The following CHCHD2 variants were observed in gnomAD, a reference collection of about 807,000 sequenced individuals.
The protein encoded by CHCHD2 is coiled-coil-helix-coiled-coil-helix domain-containing protein 2.
In CHCHD2, 17 loss-of-function variants were observed where a neutral mutation model predicts 17.5. That is an observed-to-expected ratio of 0.97 (90% CI 0.67 to 1.46). The LOEUF (loss-of-function observed/expected upper bound fraction) is 1.46, where lower values mean the gene tolerates loss of function less well. Ranked by LOEUF, CHCHD2 falls within the 40% of genes most tolerant of loss-of-function variation. The pLI is 0.00. For synonymous variants in CHCHD2, 63 were observed against 74.3 expected (o/e 0.85, Z 0.78); for missense variants, 175 against 199.9 (o/e 0.88, Z 0.75).
intron 1 of CHCHD2, 136 bp from the exon 2 acceptor site, chr7:56,104,611 A>ATTTT: frequency 2.4e-6 from 2 of 846,968 alleles, no homozygotes; most frequent in Non-Finnish European, 3.3e-6. Context: ...TCTCTCTTCA[A>ATTTT]TTTTTTTTTT....
intron 2 of CHCHD2, among the ~76,000 whole-genome samples, chr7:56,103,413 G>A (rs1042058338): frequency 7.9e-5 from 12 of 152,130 alleles, no homozygotes; most frequent in African/African-American, 2.9e-4. Context: ...CCGGGCGGTG[G>A]AGCCTGGATA....
intron 2 of CHCHD2, 103 bp from the exon 3 acceptor site, chr7:56,103,114 A>C (rs1785319150): frequency 8.9e-7 from 1 of 1,122,604 alleles, no homozygotes; most frequent in African/African-American, 1.5e-5. Flanking sequence ...AAATGGAACT[A>C]GCACCAGATG....
chr7:56,102,350 T>TC (rs1785300826), intron 3 of CHCHD2, among the ~76,000 whole-genome samples: 2 of 145,284 alleles, frequency 1.4e-5, no homozygotes, highest in South Asian at 4.5e-4. Context: ...TATACCTTCT[T>TC]TTTTTTTTTT....
At chr7:56,104,097 A>T (rs1179984626) in intron 2 of CHCHD2, 129 bp downstream of exon 2, 1 of 1,268,990 alleles carries the variant, frequency 7.9e-7, no homozygotes, top group Non-Finnish European at 1.1e-6. Flanking sequence ...TGGCTTTAAA[A>T]CCCATTGTCT....
intron 1 of CHCHD2, among the ~76,000 whole-genome samples, chr7:56,104,766 T>A (rs1438127403): frequency 1.3e-5 from 2 of 151,584 alleles, no homozygotes; most frequent in East Asian, 3.9e-4. Flanking sequence ...CGCGACCACC[T>A]CCGGCTAATT....
intron 2 of CHCHD2, 137 bp from the exon 3 acceptor site, chr7:56,103,148 A>G: frequency 1.2e-6 from 1 of 806,318 alleles, no homozygotes; most frequent in Non-Finnish European, 2.0e-6. Context: ...CCAACTATTA[A>G]CATGGGAAGT....
At chr7:56,106,198 C>T (rs1785380247) in intron 1 of CHCHD2, among the ~76,000 whole-genome samples, 166 bp downstream of exon 1, 1 of 152,182 alleles carries the variant, frequency 6.6e-6, no homozygotes, top group South Asian at 2.1e-4. Context: ...TCCCTCCCCA[C>T]ACTCCCCTAA....
chr7:56,104,464 T>C lies in CHCHD2; in HGVS notation c.62A>G (p.Gln21Arg). 2 of 1,583,796 alleles carry C rather than the reference T, an allele frequency of 1.3e-6. No individual in the cohort carries two copies. The highest frequency in any genetic ancestry group is 2.2e-4 in the Middle Eastern group (1 of 4,632). ...TGCTGGCCTGGGTGCAGCTCTCATC[T>C]GAGGGGCCCGGCTGTGAAAGAAAAG... ...RMAPPASRAP[Q>R]MRAAPRPAPV... Residue 21 changes from glutamine (Q) to arginine (R), a missense_variant, in exon 2 of 4, where the codon CAG (glutamine) becomes CGG (arginine). Physicochemically the swap from Gln to Arg is conservative, Grantham distance 43. Coordinates refer to ENST00000395422, the MANE Select transcript of CHCHD2 (RefSeq NM_016139.4).
In CHCHD2 at chr7:56,104,685, G is replaced by A. The variant is rs12668193; in HGVS notation, c.51-210C>T. On this transcript the variant is annotated intron_variant, in intron 1 of 3. Transcript: ENST00000395422. ...TGCAATGGTGCAATCTCAGCTCACT[G>A]CAACCTCCACCTCCCAGACTCAAGC... 0.22 allele frequency among the ~76,000 whole-genome samples: 33,291 copies of A among 150,984 alleles called. 3,829 individuals carry two copies. The highest frequency in any genetic ancestry group is 0.4 in the East Asian group (2,055 of 5,124).
intron 2 of CHCHD2, 24 bp from the exon 3 acceptor site, chr7:56,103,035 T>A: frequency 6.2e-7 from 1 of 1,613,868 alleles, no homozygotes; most frequent in South Asian, 1.1e-5. Flanking sequence ...ACATTCAACA[T>A]TGCTGAGAAA....
At position 56,104,225 on chromosome 7, in the gene CHCHD2, C is replaced by G; in HGVS notation, c.300+1G>C. The G allele has an allele frequency of 6.2e-7, 1 of 1,612,214 alleles. No homozygotes were observed. The highest frequency in any genetic ancestry group is 1.7e-4 in the Middle Eastern group (1 of 6,050). On this transcript the variant is annotated splice_donor_variant, in intron 2 of 3. Coordinates refer to ENST00000395422, the MANE Select transcript of CHCHD2 (RefSeq NM_016139.4). LOFTEE classifies it high-confidence loss of function. ...AAGGGAAATGCTGCCTAAATTCCCACCTGGTAAGTGATGTCAGGCCTCGCA... is the reference window on the plus strand; with the variant it reads ...AAGGGAAATGCTGCCTAAATTCCCAGCTGGTAAGTGATGTCAGGCCTCGCA...
chr7:56,106,433 G>A lies in CHCHD2; in HGVS notation c.-20C>T, dbSNP rs752972663. 1.2e-6 allele frequency: 2 copies of A among 1,612,952 alleles called. No individual in the cohort carries two copies. The highest frequency in any genetic ancestry group is 1.7e-6 in the Non-Finnish European group (2 of 1,179,390). The stretch of plus-strand genomic sequence containing the variant: ...CGGCATCCTAGGTAAGCGACGGCTA[G>A]GCCTCCGGACGTGGGACAACCACCG... On this transcript the variant is annotated 5_prime_UTR_variant, in exon 1 of 4. Transcript: ENST00000395422.
At position 56,101,664 on chromosome 7, in the gene CHCHD2, A is replaced by T. The variant is rs1384110724; in HGVS notation, c.*187T>A. The T allele has an allele frequency of 1.1e-5, 6 of 536,638 alleles. No individual in the cohort carries two copies. In the African/African-American group the frequency reaches 1.2e-4, roughly 10 times the overall value. 33.2% of individuals were successfully genotyped at this position (536,638 alleles called of 1,614,324 possible). A position where few individuals can be genotyped will look rare whatever the true frequency, so the allele number is the denominator to read the frequency against. ...AAGGAGGCCACACAAACATTTGCCC[A>T]GTCCCAGATTCTACAGAGTAGGGAC... On this transcript the variant is annotated 3_prime_UTR_variant, in exon 4 of 4. Transcript: ENST00000395422.
At position 56,103,088 on chromosome 7, in the gene CHCHD2, CTT is replaced by C. The variant is rs1029464378; in HGVS notation, c.301-79_301-78del. ...CTAGACAATGAAGAGTATCCATCCT[CTT>C]TGAGGTTAATGGAAAATGGAACTAG... On this transcript the variant is annotated intron_variant, in intron 2 of 3. Coordinates refer to ENST00000395422, the MANE Select transcript of CHCHD2 (RefSeq NM_016139.4). The C allele has an allele frequency of 7.0e-5, 105 of 1,495,072 alleles. No homozygotes were observed. The Admixed American group carries it at 1.9e-3, about 27-fold the overall frequency. 92.6% of individuals were successfully genotyped at this position (1,495,072 alleles called of 1,614,324 possible). A position where few individuals can be genotyped will look rare whatever the true frequency, so the allele number is the denominator to read the frequency against.
At chr7:56,106,221 G>T in intron 1 of CHCHD2, 143 bp downstream of exon 1, 1 of 679,050 alleles carries the variant, frequency 1.5e-6, no homozygotes, top group Non-Finnish European at 2.4e-6. Context: ...TAGGCTTTAC[G>T]TTCAATCTAC....
chr7:56,106,278 C>A (rs968101309), intron 1 of CHCHD2, 86 bp downstream of exon 1: 1 of 1,367,984 alleles, frequency 7.3e-7, no homozygotes, highest in East Asian at 2.6e-5. Context: ...CCTTAGTTCA[C>A]CCCCGCCCGC....
At chr7:56,106,151 C>T (rs943192468) in intron 1 of CHCHD2, among the ~76,000 whole-genome samples, 6 of 152,116 alleles carry the variant, frequency 3.9e-5, no homozygotes, top group African/African-American at 1.4e-4. Context: ...TATGCCTTTC[C>T]CGTTGTTTGG....
chr7:56,105,037 A>G (rs1785357834), intron 1 of CHCHD2, among the ~76,000 whole-genome samples: 2 of 151,562 alleles, frequency 1.3e-5, no homozygotes, highest in African/African-American at 2.4e-5. Context: ...CCGCTTCCCA[A>G]GTAGCTGGGA....
chr7:56,104,156 G>C, intron 2 of CHCHD2, 70 bp downstream of exon 2: 1 of 1,578,266 alleles, frequency 6.3e-7, no homozygotes, highest in African/African-American at 1.3e-5. Flanking sequence ...CTACACTTAA[G>C]GAACTTACAA....
Sources: allele counts gnomAD v4.1 joint callset (sites outside exome capture counted in the v4.1 genomes callset), GRCh38; gene constraint gnomAD v4.1.1; transcripts MANE v1.5; gene names NCBI Gene and HGNC (gene_info 2026-07-23, HGNC 2026-07-21).